The following SLC1A2 variants were observed in gnomAD, a reference collection of about 807,000 sequenced individuals.
The protein encoded by SLC1A2 is excitatory amino acid transporter 2.
A neutral mutation model predicts 48.8 loss-of-function variants in SLC1A2; 15 were observed. The ratio of observed to expected loss-of-function variants is 0.31; its 90% CI spans 0.21 to 0.47. SLC1A2 has a LOEUF of 0.47. Ranked by LOEUF, SLC1A2 falls within the 20% of genes least tolerant of loss-of-function variation. The probability of loss-of-function intolerance (pLI) is 0.99; values close to 1 mark genes in which losing one functional copy is unlikely to be tolerated. For synonymous variants in SLC1A2, 279 were observed against 272.6 expected, an observed-to-expected ratio of 1.02 and a Z score of -0.23; for missense variants, 502 against 730.5, an observed-to-expected ratio of 0.69 and a Z score of 3.61.
rs1489145655 is a variant in SLC1A2 at position 35,320,109 on chromosome 11, A to G, written c.18-2593T>C. Among the ~76,000 whole-genome samples, 5 of 152,226 alleles carry G rather than the reference A, an allele frequency of 3.3e-5. No homozygotes were observed. In the East Asian group the frequency reaches 9.6e-4, roughly 29 times the overall value. On this transcript the variant is annotated intron_variant, in intron 1 of 10. Transcript: ENST00000278379. ...CATGGGAACTATCATATAGTATAGC[A>G]TGATAGAATATTATATAATATACAG...
intron 1 of SLC1A2, chr11:35,392,413 G>A (rs1235085532): frequency 6.6e-6 from 1 of 152,246 alleles, no homozygotes; most frequent in East Asian, 1.9e-4. Flanking sequence ...GCGCCCCCAT[G>A]TGTCCAGGGC....
Position 35,301,469 on chromosome 11 carries a change from C to A in SLC1A2, c.857+50G>T, listed in dbSNP as rs771453686. 5.6e-6 allele frequency: 9 copies of A among 1,598,256 alleles called. No homozygotes were observed. The South Asian group carries it at 9.0e-5, about 16-fold the overall frequency. On this transcript the variant is annotated intron_variant, in intron 6 of 10. Transcript: ENST00000278379. ...GAGAGCTCCAGTATCCTCTGGGGACCCCAAGGCTTTCTCAACCCACTGCTA... is the reference window on the plus strand; with the variant it reads ...GAGAGCTCCAGTATCCTCTGGGGACACCAAGGCTTTCTCAACCCACTGCTA...
chr11:35,260,362 T>C lies in SLC1A2; in HGVS notation c.*532A>G, dbSNP rs1565196197. 6.5e-6 allele frequency: 1 copy of C among 154,002 alleles called. No homozygotes were observed. Among genetic ancestry groups the C allele is most frequent in the Non-Finnish European group, 1.4e-5 (1 of 69,212 alleles). 9.5% of individuals were successfully genotyped at this position (154,002 alleles called of 1,614,324 possible). On this transcript the variant is annotated 3_prime_UTR_variant, in exon 11 of 11. Coordinates refer to ENST00000278379, the MANE Select transcript of SLC1A2 (RefSeq NM_004171.4). Reference sequence around the variant, plus strand: ...TGGAAGATAAATTGTCAGAATTCCCTAAGACAGGTATTTGCTTTTAATCAA... The same window carrying C: ...TGGAAGATAAATTGTCAGAATTCCCCAAGACAGGTATTTGCTTTTAATCAA...
At chr11:35,268,942 A>G (rs768021416) in intron 9 of SLC1A2, among the ~76,000 whole-genome samples, 39 of 152,296 alleles carry the variant, frequency 2.6e-4, no homozygotes, top group Non-Finnish European at 4.4e-4. Flanking sequence ...TAGCTCAGCC[A>G]CCTACTAACT....
chr11:35,325,450 C>A (rs745448878), intron 1 of SLC1A2, among the ~76,000 whole-genome samples: 1 of 152,308 alleles, frequency 6.6e-6, no homozygotes, highest in South Asian at 2.1e-4. Context: ...CTCCACCATG[C>A]CTAGCATCTT....
intron 1 of SLC1A2, among the ~76,000 whole-genome samples, chr11:35,332,397 G>A (rs11033073): frequency 0.32 from 48,942 of 152,160 alleles, 8,682 homozygotes; most frequent in South Asian, 0.53. Flanking sequence ...AATTTATGCT[G>A]AGGATAGTTT....
intron 1 of SLC1A2, among the ~76,000 whole-genome samples, chr11:35,334,021 T>C (rs1852526565): frequency 6.6e-6 from 1 of 152,078 alleles, no homozygotes; most frequent in Non-Finnish European, 1.5e-5. Context: ...TTCAGTATTA[T>C]TATTGAAAGT....
Position 35,306,589 on chromosome 11 carries a change from G to C in SLC1A2, c.562-347C>G, listed in dbSNP as rs762253902. Among the ~76,000 whole-genome samples the C allele has an allele frequency of 4.7e-4, 71 of 152,276 alleles. 1 individual carries two copies. The highest frequency in any genetic ancestry group is 8.7e-4 in the Non-Finnish European group (59 of 68,022). ...CATCTGAGTACAATGCATTTTTTAAGTACAGTCATCCAACTCTGCTATCAA... is the reference window on the plus strand; with the variant it reads ...CATCTGAGTACAATGCATTTTTTAACTACAGTCATCCAACTCTGCTATCAA... On this transcript the variant is annotated intron_variant, in intron 4 of 10. Transcript: ENST00000278379.
Position 35,337,925 on chromosome 11 carries a change from A to G in SLC1A2, c.18-20409T>C, listed in dbSNP as rs183619406. Among the ~76,000 whole-genome samples, 5 of 152,346 alleles carry G rather than the reference A, an allele frequency of 3.3e-5. No individual in the cohort carries two copies. In the East Asian group the frequency reaches 9.6e-4, roughly 29 times the overall value. On this transcript the variant is annotated intron_variant, in intron 1 of 10. Coordinates refer to ENST00000278379, the MANE Select transcript of SLC1A2 (RefSeq NM_004171.4). The stretch of plus-strand genomic sequence containing the variant: ...TCATTATCTAATTAGTATTATAATT[A>G]CCATCAACATTATCATTGTTATTAT...
intron 10 of SLC1A2, 122 bp from the exon 11 acceptor site, chr11:35,261,087 T>G: frequency 2.7e-6 from 2 of 732,792 alleles, no homozygotes; most frequent in South Asian, 3.1e-5. Flanking sequence ...TAGTTTTAAA[T>G]GGAGTTCTTT....
intron 6 of SLC1A2, among the ~76,000 whole-genome samples, chr11:35,294,096 A>T (rs117124901): frequency 0.012 from 1,859 of 152,204 alleles, 13 homozygotes; most frequent in Non-Finnish European, 0.019. Flanking sequence ...TCACACATGT[A>T]CCCCATGTCC....
intron 1 of SLC1A2, among the ~76,000 whole-genome samples, chr11:35,339,432 G>A (rs1252676924): frequency 3.3e-5 from 5 of 152,214 alleles, no homozygotes; most frequent in African/African-American, 1.2e-4. Context: ...AAGGAAACAT[G>A]CAGTGCAGGG....
chr11:35,384,456 T>C (rs542357976), intron 1 of SLC1A2, among the ~76,000 whole-genome samples: 16 of 152,218 alleles, frequency 1.1e-4, no homozygotes, highest in Non-Finnish European at 2.4e-4. Context: ...CTACTCCTTC[T>C]TGAATAAGGA....
intron 1 of SLC1A2, among the ~76,000 whole-genome samples, chr11:35,336,878 G>C (rs969483458): frequency 6.6e-6 from 1 of 151,738 alleles, no homozygotes; most frequent in African/African-American, 2.4e-5. Context: ...AATGTTTTCT[G>C]ACCCTTGGCC....
chr11:35,305,604 G>A (rs1380141695), intron 5 of SLC1A2, among the ~76,000 whole-genome samples: 1 of 152,112 alleles, frequency 6.6e-6, no homozygotes, highest in Non-Finnish European at 1.5e-5. Context: ...AGCTCCCTTG[G>A]TACCTACTCC....
intron 6 of SLC1A2, among the ~76,000 whole-genome samples, chr11:35,295,352 T>C (rs1851139390): frequency 6.6e-6 from 1 of 152,134 alleles, no homozygotes; most frequent in Non-Finnish European, 1.5e-5. Context: ...CTGCACCCAT[T>C]TTTAAAACAA....
intron 7 of SLC1A2, among the ~76,000 whole-genome samples, chr11:35,289,807 A>G (rs1342551121): frequency 6.6e-6 from 1 of 152,246 alleles, no homozygotes; most frequent in African/African-American, 2.4e-5. Context: ...AGAGGCAAAA[A>G]GCACAGTAAA....
At chr11:35,372,708 A>G (rs888671008) in intron 1 of SLC1A2, among the ~76,000 whole-genome samples, 2 of 152,258 alleles carry the variant, frequency 1.3e-5, no homozygotes. Context: ...CTTATAGACA[A>G]TAATAAATTG....
intron 1 of SLC1A2, among the ~76,000 whole-genome samples, chr11:35,409,561 G>A (rs750879298): frequency 5.9e-5 from 9 of 152,168 alleles, no homozygotes; most frequent in African/African-American, 9.7e-5. Flanking sequence ...GGACTGGAAT[G>A]AAGAGAAGGG....
Sources: allele counts gnomAD v4.1 joint callset (sites outside exome capture counted in the v4.1 genomes callset), GRCh38; gene constraint gnomAD v4.1.1; transcripts MANE v1.5; gene names NCBI Gene and HGNC (gene_info 2026-07-23, HGNC 2026-07-21).